FRMD6: variants seen among roughly 807,000 people sequenced by gnomAD.
FRMD6 encodes FERM domain-containing protein 6.
A neutral mutation model predicts 73.2 loss-of-function variants in FRMD6; 37 were observed. The observed-to-expected ratio is 0.51, with a 90% CI of 0.39 to 0.66. FRMD6 has a LOEUF of 0.66. FRMD6 is among the 30% of genes least tolerant of loss of function. The pLI is 0.00. For synonymous variants in FRMD6, 273 were observed against 282.2 expected, an observed-to-expected ratio of 0.97 and a Z score of 0.33; for missense variants, 714 against 780.5, an observed-to-expected ratio of 0.91 and a Z score of 1.02.
intron 1 of FRMD6, among the ~76,000 whole-genome samples, chr14:51,657,582 T>C (rs1892925547): frequency 6.6e-6 from 1 of 152,218 alleles, no homozygotes; most frequent in Non-Finnish European, 1.5e-5. Context: ...TATGCCCAGT[T>C]TCTTTATCCA....
the FRMD6 span, among the ~76,000 whole-genome samples, chr14:51,459,458 G>A: frequency 6.6e-6 from 1 of 152,136 alleles, no homozygotes. Context: ...TAGCACAGAG[G>A]TAGAACAGTC....
Position 51,727,867 on chromosome 14 carries a change from C to T in FRMD6, c.1707C>T (p.Tyr569=), listed in dbSNP as rs1339498993. The T allele has an allele frequency of 6.2e-7, 1 of 1,614,220 alleles. No homozygotes were observed. Among genetic ancestry groups the T allele is most frequent in the Admixed American group, 1.7e-5 (1 of 60,028 alleles). Residue 569 remains tyrosine (Y), a synonymous_variant, in exon 14 of 14, where the codon TAC becomes TAT. Coordinates refer to ENST00000344768, the MANE Select transcript of FRMD6 (RefSeq NM_001267046.2). ...TGTGTCAGGACACTGCTCAGAGTTACACCTTTGGATGTGGCCATGAACTGG... is the reference window on the plus strand; with the variant it reads ...TGTGTCAGGACACTGCTCAGAGTTATACCTTTGGATGTGGCCATGAACTGG... ...AGLCQDTAQS[Y]TFGCGHELDE... is the part of the protein sequence containing the mutation.
intron 2 of FRMD6, among the ~76,000 whole-genome samples, chr14:51,594,324 T>TTA (rs1055922922): frequency 2.0e-5 from 3 of 149,660 alleles, no homozygotes; most frequent in Non-Finnish European, 3.0e-5. Flanking sequence ...ATTTATTTAT[T>TTA]TATTTATTTA....
At chr14:51,684,451 C>T (rs1594728118) in intron 1 of FRMD6, among the ~76,000 whole-genome samples, 1 of 152,174 alleles carries the variant, frequency 6.6e-6, no homozygotes, top group South Asian at 2.1e-4. Flanking sequence ...GTTTAGCACT[C>T]AGTTGCTAAT....
intron 1 of FRMD6, among the ~76,000 whole-genome samples, chr14:51,505,039 G>C (rs1282311840): frequency 6.6e-6 from 1 of 152,132 alleles, no homozygotes; most frequent in African/African-American, 2.4e-5. Flanking sequence ...TCACTGTCCA[G>C]TTAGGAATTG....
chr14:51,462,254 G>T, the FRMD6 span, among the ~76,000 whole-genome samples: 1 of 152,242 alleles, frequency 6.6e-6, no homozygotes, highest in South Asian at 2.1e-4. Context: ...ATGTGACATT[G>T]CTGAGCCTGA....
the FRMD6 span, among the ~76,000 whole-genome samples, chr14:51,402,454 G>A: frequency 9.2e-5 from 14 of 152,146 alleles, 1 homozygote; most frequent in South Asian, 2.9e-3. Context: ...AGATCTGAAG[G>A]TTTTAAAAAC....
intron 2 of FRMD6, among the ~76,000 whole-genome samples, chr14:51,645,469 C>T (rs1892022143): frequency 6.6e-6 from 1 of 152,034 alleles, no homozygotes; most frequent in Non-Finnish European, 1.5e-5. Context: ...CTTACTCTGT[C>T]ACTCAGATTG....
At chr14:51,418,345 GATGTCC>G in the FRMD6 span, among the ~76,000 whole-genome samples, 2 of 152,160 alleles carry the variant, frequency 1.3e-5, no homozygotes, top group Non-Finnish European at 2.9e-5. Context: ...TTTTGGTGTG[GATGTCC>G]TTTTTGCTGA....
At chr14:51,719,175 G>A (rs1295760868) in intron 10 of FRMD6, among the ~76,000 whole-genome samples, 1 of 152,174 alleles carries the variant, frequency 6.6e-6, no homozygotes, top group African/African-American at 2.4e-5. Flanking sequence ...TGTCAGTTGA[G>A]TTGTAACTGG....
intron 7 of FRMD6, 62 bp downstream of exon 7, chr14:51,708,295 G>A: frequency 6.9e-7 from 1 of 1,441,526 alleles, no homozygotes; most frequent in Non-Finnish European, 9.5e-7. Context: ...ATAGGATTGA[G>A]AAGGAAAACC....
the FRMD6 span, among the ~76,000 whole-genome samples, chr14:51,427,617 G>T: frequency 1.1e-4 from 16 of 152,320 alleles, 1 homozygote; most frequent in East Asian, 3.1e-3. Context: ...GCTATAAGTT[G>T]CAGAATTAGG....
At chr14:51,404,286 T>G in the FRMD6 span, among the ~76,000 whole-genome samples, 1 of 152,184 alleles carries the variant, frequency 6.6e-6, no homozygotes, top group African/African-American at 2.4e-5. Flanking sequence ...ATTCTGAATA[T>G]TAAAAGTATG....
intron 1 of FRMD6, among the ~76,000 whole-genome samples, chr14:51,550,020 T>C (rs1886721942): frequency 6.6e-6 from 1 of 152,214 alleles, no homozygotes; most frequent in Admixed American, 6.5e-5. Flanking sequence ...ATAGTGCCTG[T>C]CCTTTGGTGC....
At chr14:51,481,920 G>A in the FRMD6 span, among the ~76,000 whole-genome samples, 5 of 152,118 alleles carry the variant, frequency 3.3e-5, no homozygotes, top group Admixed American at 6.5e-5. Flanking sequence ...GCCCTAATTT[G>A]TATTATGTTT....
the FRMD6 span, chr14:51,436,636 G>GT: frequency 4.3e-3 from 2,310 of 538,926 alleles, 18 homozygotes; most frequent in East Asian, 9.1e-3. Context: ...GAACTAGAGA[G>GT]TTTTTTACCT....
At chr14:51,661,157 G>A (rs1199097212) in intron 1 of FRMD6, among the ~76,000 whole-genome samples, 1 of 152,140 alleles carries the variant, frequency 6.6e-6, no homozygotes, top group African/African-American at 2.4e-5. Flanking sequence ...GGAATTTAGG[G>A]AAGAGGTCTA....
At chr14:51,567,594 C>A (rs1364654404) in intron 1 of FRMD6, among the ~76,000 whole-genome samples, 1 of 152,234 alleles carries the variant, frequency 6.6e-6, no homozygotes, top group Non-Finnish European at 1.5e-5. Context: ...CCTGTCTTGG[C>A]CTCCCAAAGT....
intron 2 of FRMD6, among the ~76,000 whole-genome samples, chr14:51,634,735 C>T (rs926713190): frequency 1.3e-5 from 2 of 152,164 alleles, no homozygotes; most frequent in Non-Finnish European, 2.9e-5. Context: ...AGTATAACTT[C>T]GAGAATGCAG....
Sources: gnomAD v4.1 joint callset for allele counts (sites outside exome capture counted in the v4.1 genomes callset) on GRCh38, gnomAD v4.1.1 for gene constraint, MANE v1.5 for transcripts, NCBI Gene and HGNC (gene_info 2026-07-23, HGNC 2026-07-21) for gene names.